CDH4: variants seen among roughly 807,000 people sequenced by gnomAD.
CDH4 encodes cadherin 4.
CDH4 carries 33 observed loss-of-function variants against 86.0 expected under a neutral mutation model. That is an observed-to-expected ratio of 0.38 (90% CI 0.29 to 0.51). The LOEUF (loss-of-function observed/expected upper bound fraction) is 0.51. Among genes scored for constraint, CDH4 ranks in the 20% least tolerant of loss-of-function variants. The pLI, the probability that CDH4 is intolerant of heterozygous loss-of-function variation, is 0.86. For missense variants in CDH4, 1,114 were observed against 1,307.4 expected (o/e 0.85, Z 2.28); for synonymous variants, 555 against 549.4 (o/e 1.01, Z -0.14).
intron 2 of CDH4, among the ~76,000 whole-genome samples, chr20:61,460,949 A>C (rs1219728071): frequency 6.6e-6 from 1 of 152,076 alleles, no homozygotes. Flanking sequence ...AGCCCCTGTT[A>C]GGGCAGACCC....
chr20:61,356,667 C>G (rs1397903735), intron 2 of CDH4, among the ~76,000 whole-genome samples: 1 of 152,160 alleles, frequency 6.6e-6, no homozygotes, highest in Non-Finnish European at 1.5e-5. Context: ...AGGATTGTAA[C>G]AAGCTATTGA....
chr20:61,656,483 C>T (rs2087192630), intron 2 of CDH4, among the ~76,000 whole-genome samples: 1 of 152,100 alleles, frequency 6.6e-6, no homozygotes, highest in Non-Finnish European at 1.5e-5. Flanking sequence ...TTGGGGTGGG[C>T]AGGTGCATGC....
chr20:61,721,000 C>T (rs563831576), intron 2 of CDH4, among the ~76,000 whole-genome samples: 1 of 152,252 alleles, frequency 6.6e-6, no homozygotes, highest in African/African-American at 2.4e-5. Context: ...GAGGGTTCAG[C>T]TCTCCAAGGC....
intron 15 of CDH4, among the ~76,000 whole-genome samples, chr20:61,935,945 A>AAAAT (rs1489093270): frequency 1.2e-4 from 18 of 152,166 alleles, no homozygotes; most frequent in South Asian, 2.1e-4. Flanking sequence ...GGAGAAATTA[A>AAAAT]AAATGAAAAC....
intron 8 of CDH4, among the ~76,000 whole-genome samples, chr20:61,903,243 C>T (rs1043498670): frequency 1.1e-4 from 17 of 152,080 alleles, no homozygotes; most frequent in African/African-American, 3.9e-4. Context: ...AGAGGTTAAT[C>T]TACATATTTA....
At chr20:61,416,024 T>C (rs2085145213) in intron 2 of CDH4, among the ~76,000 whole-genome samples, 1 of 144,532 alleles carries the variant, frequency 6.9e-6, no homozygotes, top group Admixed American at 6.9e-5. Flanking sequence ...TTTTTTTTTT[T>C]TCCCCGAAAC....
intron 8 of CDH4, 70 bp from the exon 9 acceptor site, chr20:61,910,352 C>G (rs1461565986): frequency 3.8e-6 from 5 of 1,326,380 alleles, no homozygotes; most frequent in African/African-American, 1.4e-5. Context: ...TGCACATATG[C>G]TACGTGCACT....
chr20:61,311,196 C>T (rs1287433080), intron 2 of CDH4, among the ~76,000 whole-genome samples: 4 of 152,096 alleles, frequency 2.6e-5, no homozygotes, highest in Non-Finnish European at 1.5e-5. Flanking sequence ...TAAACACACA[C>T]CCACACCCAC....
chr20:61,528,880 G>A (rs554170188), intron 2 of CDH4, among the ~76,000 whole-genome samples: 9 of 149,492 alleles, frequency 6.0e-5, no homozygotes, highest in African/African-American at 1.7e-4. Context: ...CCAGTGCACC[G>A]CCCTTGTCCC....
At chr20:61,898,285 G>T (rs1437498660) in intron 8 of CDH4, among the ~76,000 whole-genome samples, 3 of 152,242 alleles carry the variant, frequency 2.0e-5, no homozygotes, top group Admixed American at 2.0e-4. Flanking sequence ...CAGGGGATTT[G>T]CATGATCCGA....
intron 2 of CDH4, among the ~76,000 whole-genome samples, chr20:61,318,402 A>G (rs1436614930): frequency 6.6e-6 from 1 of 151,668 alleles, no homozygotes; most frequent in Non-Finnish European, 1.5e-5. Context: ...GAATGATTCA[A>G]AAACCTAAGC....
At position 61,623,048 on chromosome 20, in the gene CDH4, C is replaced by CA. The variant is rs1236915299; in HGVS notation, c.170-120512dup. Among the ~76,000 whole-genome samples the CA allele has an allele frequency of 6.6e-6, 1 of 152,162 alleles. No homozygotes were observed. The highest frequency in any genetic ancestry group is 1.5e-5 in the Non-Finnish European group (1 of 68,046). On this transcript the variant is annotated intron_variant, in intron 2 of 15. Coordinates refer to ENST00000614565, the MANE Select transcript of CDH4 (RefSeq NM_001794.5). This position sits in a 1 kb window ranked among gnomAD's most constrained non-coding sequence, Gnocchi z 4.4. ...CAGTCATTTAAGACAGTCAGGGAAA[C>CA]AAACGGGGAGGTGCCTTAGAGGCAA... is the stretch of plus-strand genomic sequence containing the variant.
intron 9 of CDH4, among the ~76,000 whole-genome samples, chr20:61,914,217 C>T (rs6121842): frequency 0.019 from 2,895 of 152,266 alleles, 106 homozygotes; most frequent in African/African-American, 0.065. Flanking sequence ...GGGACTGAGT[C>T]TCACGGTGCT....
chr20:61,300,538 C>G (rs1381808485), intron 2 of CDH4, among the ~76,000 whole-genome samples: 1 of 152,138 alleles, frequency 6.6e-6, no homozygotes, highest in Non-Finnish European at 1.5e-5. Flanking sequence ...CCCGTCTGCC[C>G]TGCCGGGCTC....
intron 2 of CDH4, chr20:61,717,493 T>A (rs1485503772): frequency 6.6e-6 from 1 of 152,278 alleles, no homozygotes; most frequent in Non-Finnish European, 1.5e-5. Flanking sequence ...TTTGTTTGTT[T>A]GTTTGTTTTT....
At chr20:61,576,010 T>C (rs1416898753) in intron 2 of CDH4, among the ~76,000 whole-genome samples, 1 of 152,008 alleles carries the variant, frequency 6.6e-6, no homozygotes, top group Non-Finnish European at 1.5e-5. Flanking sequence ...AAGGATTGAC[T>C]CTGAGTAGGA....
intron 2 of CDH4, among the ~76,000 whole-genome samples, chr20:61,425,859 C>G (rs545227228): frequency 1.3e-5 from 2 of 150,016 alleles, no homozygotes; most frequent in Non-Finnish European, 3.0e-5. Context: ...TCAAAGGCCC[C>G]GCCCAGGGCA....
At chr20:61,512,773 C>T (rs562479416) in intron 2 of CDH4, among the ~76,000 whole-genome samples, 1 of 152,334 alleles carries the variant, frequency 6.6e-6, no homozygotes, top group South Asian at 2.1e-4. Flanking sequence ...ATCCCAGGAG[C>T]ACGTCCATTC....
At chr20:61,797,744 G>A (rs997521164) in intron 4 of CDH4, among the ~76,000 whole-genome samples, 1 of 152,200 alleles carries the variant, frequency 6.6e-6, no homozygotes, top group African/African-American at 2.4e-5. Flanking sequence ...CTGTGATAGT[G>A]ACACTGCACT....
Sources: gnomAD v4.1 joint callset for allele counts (sites outside exome capture counted in the v4.1 genomes callset) on GRCh38, gnomAD v4.1.1 for gene constraint, Gnocchi (gnomAD v3.1) non-coding constraint, MANE v1.5 for transcripts, NCBI Gene and HGNC (gene_info 2026-07-23, HGNC 2026-07-21) for gene names.